The following COL4A2 variants were observed in gnomAD, a reference collection of about 807,000 sequenced individuals.
COL4A2 encodes collagen type IV alpha 2 chain, also known as collagen alpha-2(IV) chain.
A neutral mutation model predicts 200.2 loss-of-function variants in COL4A2; 99 were observed. That is an observed-to-expected ratio of 0.49 (90% CI 0.42 to 0.58). COL4A2 has a LOEUF of 0.58. Among genes scored for constraint, COL4A2 ranks in the 20% least tolerant of loss-of-function variants. The pLI is 0.00. For missense variants in COL4A2, 1,950 were observed against 2,314.1 expected, an observed-to-expected ratio of 0.84 and a Z score of 3.23; for synonymous variants, 897 against 900.6, an observed-to-expected ratio of 1.00 and a Z score of 0.07.
intron 4 of COL4A2, among the ~76,000 whole-genome samples, chr13:110,409,001 T>TACAC (rs372790473): frequency 3.2e-5 from 1 of 31,522 alleles, no homozygotes; most frequent in African/African-American, 1.2e-4. Flanking sequence ...CACGCACACA[T>TACAC]ACACACACAC....
intron 4 of COL4A2, among the ~76,000 whole-genome samples, chr13:110,395,184 C>T (rs1279447451): frequency 6.6e-6 from 1 of 152,196 alleles, no homozygotes; most frequent in Non-Finnish European, 1.5e-5. Flanking sequence ...CAGCATTCCC[C>T]TTACAAATCC....
At chr13:110,433,132 G>A (rs1169756956) in intron 11 of COL4A2, among the ~76,000 whole-genome samples, 3 of 152,230 alleles carry the variant, frequency 2.0e-5, no homozygotes, top group Non-Finnish European at 4.4e-5. Flanking sequence ...GCCCATTGCT[G>A]TGACCCCTGG....
intron 4 of COL4A2, among the ~76,000 whole-genome samples, chr13:110,414,845 T>G (rs1330253505): frequency 6.6e-6 from 1 of 152,244 alleles, no homozygotes; most frequent in Non-Finnish European, 1.5e-5. Context: ...GAAGGAAATA[T>G]TCTTTTATCC....
chr13:110,356,179 A>C (rs1031596987), intron 3 of COL4A2, among the ~76,000 whole-genome samples: 4 of 152,312 alleles, frequency 2.6e-5, no homozygotes, highest in Admixed American at 2.6e-4. Flanking sequence ...TTGCCCATCC[A>C]GGGAACTCCC....
At chr13:110,367,448 G>T (rs893673861) in intron 4 of COL4A2, among the ~76,000 whole-genome samples, 1 of 152,168 alleles carries the variant, frequency 6.6e-6, no homozygotes, top group Non-Finnish European at 1.5e-5. Flanking sequence ...CTATAGTTAG[G>T]TTGGTCTCTC....
At chr13:110,509,934 C>T (rs1452435392) in intron 47 of COL4A2, among the ~76,000 whole-genome samples, 4 of 152,178 alleles carry the variant, frequency 2.6e-5, no homozygotes, top group Non-Finnish European at 5.9e-5. Flanking sequence ...GGAGATGTGC[C>T]CCCTCCAGAT....
Position 110,449,708 on chromosome 13 carries a change from G to A in COL4A2, c.1108G>A (p.Ala370Thr). The change falls in exon 19 of 48, where the codon GCC (alanine) becomes ACC (threonine). Residue 370 changes from alanine to threonine, a missense_variant. By Grantham distance (58) the Ala-to-Thr change is moderately conservative (BLOSUM62 0). Transcript: ENST00000360467. ...GARGDPGFPGAQGEPGSQGEP... is the reference protein window; with the variant it reads ...GARGDPGFPGTQGEPGSQGEP... ...CAGAGGTGACCCGGGATTCCCAGGG[G>A]CCCAAGGGGAGCCAGGAAGCCAGGG... 6.5e-7 allele frequency: 1 copy of A among 1,550,074 alleles called. No individual in the cohort carries two copies. The highest frequency in any genetic ancestry group is 8.7e-7 in the Non-Finnish European group (1 of 1,146,412).
intron 3 of COL4A2, among the ~76,000 whole-genome samples, chr13:110,348,720 A>G (rs1213767245): frequency 6.6e-6 from 1 of 152,136 alleles, no homozygotes; most frequent in African/African-American, 2.4e-5. Flanking sequence ...CTTTTTAACA[A>G]TAGGTAATGT....
At chr13:110,343,646 G>T (rs1259924489) in intron 3 of COL4A2, among the ~76,000 whole-genome samples, 1 of 152,226 alleles carries the variant, frequency 6.6e-6, no homozygotes, top group Non-Finnish European at 1.5e-5. Flanking sequence ...AGATAAAGCT[G>T]CAGGCACCTG....
At chr13:110,310,549 A>G (rs527426571) in intron 3 of COL4A2, among the ~76,000 whole-genome samples, 7 of 152,372 alleles carry the variant, frequency 4.6e-5, no homozygotes, top group Admixed American at 2.0e-4. Flanking sequence ...GTTACGTTCA[A>G]CAAGGGGCTG....
In COL4A2 at chr13:110,458,753, CCT is replaced by C. The variant is rs748240489; in HGVS notation, c.1433-14_1433-13del. On this transcript the variant is annotated splice_polypyrimidine_tract_variant and intron_variant, in intron 21 of 47. Transcript: ENST00000360467. ...GAGGAATGCGGAACAAGGAGGCCCT[CCT>C]CTCCCTCCTCTGCAGGTGACGCTGG... The C allele has an allele frequency of 6.6e-5, 107 of 1,613,596 alleles. No individual in the cohort carries two copies. The highest frequency in any genetic ancestry group is 9.0e-5 in the Non-Finnish European group (106 of 1,179,820).
rs770049193 is a variant in COL4A2, at chr13:110,503,857, G to T, written c.4149G>T (p.Gly1383=). ...CTGTTTCCCTTCCAGGTGCCCCCGGGACTGTGGGAGCCCCCGGGATTGCAG... is the reference window on the plus strand; with the variant it reads ...CTGTTTCCCTTCCAGGTGCCCCCGGTACTGTGGGAGCCCCCGGGATTGCAG... ...KGDPGFPGAP[G]TVGAPGIAGI... The change falls in exon 44 of 48, where the codon GGG becomes GGT. Residue 1383 remains glycine, a synonymous_variant. Transcript: ENST00000360467. The T allele has an allele frequency of 7.4e-6, 12 of 1,613,870 alleles. No homozygotes were observed. In the East Asian group the frequency reaches 2.7e-4, roughly 36 times the overall value.
intron 34 of COL4A2, 55 bp from the exon 35 acceptor site, chr13:110,489,390 G>C (rs1440162200): frequency 6.5e-7 from 1 of 1,530,650 alleles, no homozygotes. Flanking sequence ...GCTAACTTCA[G>C]AGTTACAACT....
chr13:110,365,264 C>T (rs987523922), intron 4 of COL4A2, among the ~76,000 whole-genome samples: 38 of 152,132 alleles, frequency 2.5e-4, no homozygotes, highest in Non-Finnish European at 7.4e-5. Context: ...GCCTCAGCCT[C>T]CCGAGTAGCT....
rs778146919 is a variant in COL4A2, at chr13:110,438,678, G to A, written c.912+10G>A. The stretch of plus-strand genomic sequence containing the variant: ...CTTTCCTGGACTGAGGGTAAACCAC[G>A]CCTTTTATAACTGCAGTTGTCGGTT... On this transcript the variant is annotated intron_variant, in intron 15 of 47. Transcript: ENST00000360467. 9.9e-6 allele frequency: 16 copies of A among 1,614,062 alleles called. No homozygotes were observed. The highest frequency in any genetic ancestry group is 8.3e-5 in the Admixed American group (5 of 60,014).
At position 110,513,032 on chromosome 13, in the gene COL4A2, GA is replaced by G. The variant is rs1254987573; in HGVS notation, c.*842del. 6.6e-6 allele frequency: 1 copy of G among 152,186 alleles called. No homozygotes were observed. Among genetic ancestry groups the G allele is most frequent in the Admixed American group, 6.5e-5 (1 of 15,276 alleles). The allele number at this position is 152,186 out of a possible 1,614,324, so 9.4% of individuals were successfully genotyped here. ...TTGGTTCTGAATATTTTTAAACCCC[GA>G]GTTGTTGACCGCCTTAATCTCGTGT... On this transcript the variant is annotated 3_prime_UTR_variant, in exon 48 of 48. Transcript: ENST00000360467.
chr13:110,415,110 G>A (rs140282533), intron 4 of COL4A2, among the ~76,000 whole-genome samples: 1 of 152,310 alleles, frequency 6.6e-6, no homozygotes, highest in East Asian at 1.9e-4. Flanking sequence ...GTTGGACCGA[G>A]GTTTGGAGAA....
chr13:110,487,233 C>T (rs1883146117), intron 34 of COL4A2, among the ~76,000 whole-genome samples: 1 of 152,258 alleles, frequency 6.6e-6, no homozygotes, highest in South Asian at 2.1e-4. Flanking sequence ...AGGCAGATCA[C>T]TTGTGGTCAG....
intron 4 of COL4A2, among the ~76,000 whole-genome samples, chr13:110,384,134 CTG>C (rs1878595799): frequency 6.6e-6 from 1 of 152,190 alleles, no homozygotes; most frequent in Admixed American, 6.5e-5. Context: ...GTGGCTCACT[CTG>C]TGTGAGAAGG....
Sources: gnomAD v4.1 joint callset for allele counts (sites outside exome capture counted in the v4.1 genomes callset) on GRCh38, gnomAD v4.1.1 for gene constraint, MANE v1.5 for transcripts, NCBI Gene and HGNC (gene_info 2026-07-23, HGNC 2026-07-21) for gene names.